DGKG: variants seen among roughly 807,000 people sequenced by gnomAD.
The protein encoded by DGKG is diacylglycerol kinase gamma.
Under a neutral mutation model 105.3 loss-of-function variants are expected in DGKG, and 78 were observed. The ratio of observed to expected loss-of-function variants is 0.74; its 90% confidence interval spans 0.62 to 0.89. DGKG has a LOEUF of 0.89. Ranked by LOEUF, DGKG falls within the 40% of genes least tolerant of loss-of-function variation. DGKG has a pLI of 0.00. For synonymous variants in DGKG, 346 were observed against 367.1 expected, an observed-to-expected ratio of 0.94 and a Z score of 0.66; for missense variants, 958 against 1,020.1, an observed-to-expected ratio of 0.94 and a Z score of 0.83.
intron 21 of DGKG, among the ~76,000 whole-genome samples, chr3:186,194,826 G>A (rs966485649): frequency 6.5e-5 from 4 of 61,642 alleles, no homozygotes; most frequent in African/African-American, 9.3e-5. Context: ...AAAAAAAGCC[G>A]GGCAAGGTGG....
At chr3:186,342,226 T>C (rs553625174) in intron 1 of DGKG, among the ~76,000 whole-genome samples, 1 of 152,310 alleles carries the variant, frequency 6.6e-6, no homozygotes, top group East Asian at 1.9e-4. Context: ...AAGAGATTGA[T>C]TTGTTACGGA....
Position 186,253,165 on chromosome 3 carries a change from T to G in DGKG, c.1528A>C (p.Lys510Gln). ...GGCAGGACAGCCACTGGTGGATGCT[T>G]TGCAAAGTTGGCCTTATCTGCAAGA... ...LDCIDKANFA[K>Q]HPPVAVLPLG... The change falls in exon 18 of 25, where the codon AAG becomes CAG. Residue 510 changes from lysine to glutamine, a missense_variant. Transcript: ENST00000265022. 2 of 1,614,170 alleles carry G rather than the reference T, an allele frequency of 1.2e-6. No homozygotes were observed. The highest frequency in any genetic ancestry group is 1.7e-6 in the Non-Finnish European group (2 of 1,180,008).
intron 22 of DGKG, among the ~76,000 whole-genome samples, chr3:186,171,377 T>C (rs1191497696): frequency 6.6e-6 from 1 of 152,188 alleles, no homozygotes; most frequent in African/African-American, 2.4e-5. Context: ...TAATAATAAC[T>C]ATAGTTGTCT....
intron 16 of DGKG, 95 bp downstream of exon 16, chr3:186,260,344 G>A (rs894596747): frequency 2.3e-6 from 2 of 882,552 alleles, no homozygotes; most frequent in Non-Finnish European, 3.7e-6. Context: ...AACAAGTTGA[G>A]AGACGAAAGA....
At position 186,327,086 on chromosome 3, in the gene DGKG, C is replaced by T. The variant is rs1416171598; in HGVS notation, c.-248-6379G>A. Among the ~76,000 whole-genome samples the T allele has an allele frequency of 2.5e-4, 38 of 152,102 alleles. 1 individual carries two copies. The highest frequency in any genetic ancestry group is 2.5e-3 in the Admixed American group (38 of 15,272). On this transcript the variant is annotated intron_variant, in intron 1 of 24. Transcript: ENST00000265022. ...GGCTGAGGTGGGAAGATCACCTGAG[C>T]CTGAGGGATCAAGGCTGCACTGAAC...
rs140613915 is a variant in DGKG at position 186,300,115 on chromosome 3, G to T, written c.145-1886C>A. Among the ~76,000 whole-genome samples the T allele has an allele frequency of 2.4e-3, 368 of 152,210 alleles. 3 individuals carry two copies. Among genetic ancestry groups the T allele is most frequent in the African/African-American group, 8.6e-3 (358 of 41,530 alleles). On this transcript the variant is annotated intron_variant, in intron 3 of 24. Coordinates refer to ENST00000265022, the MANE Select transcript of DGKG (RefSeq NM_001346.3). ...GCTTCCCAAAGTGCTGGGATTACTG[G>T]CGTGAGGCACCATGCCCAGCCCCTC...
At chr3:186,178,792 C>T (rs774336456) in intron 22 of DGKG, among the ~76,000 whole-genome samples, 3 of 152,126 alleles carry the variant, frequency 2.0e-5, no homozygotes, top group African/African-American at 4.8e-5. Flanking sequence ...CCAGAAACTG[C>T]GAAGCTGGGG....
rs1721223680 is a variant in DGKG at position 186,251,487 on chromosome 3, A to C, written c.1761+272T>G. 2.0e-5 allele frequency among the ~76,000 whole-genome samples: 3 copies of C among 152,292 alleles called. No homozygotes were observed. The South Asian group carries it at 6.2e-4, about 32-fold the overall frequency. On this transcript the variant is annotated intron_variant, in intron 19 of 24. Transcript: ENST00000265022. ...CTGCTACAAATTGCAGAAGGAGAAA[A>C]TATGTCTTTTGAAAATTTTTCTGTC...
At chr3:186,174,507 G>A (rs898462176) in intron 22 of DGKG, among the ~76,000 whole-genome samples, 8 of 152,202 alleles carry the variant, frequency 5.3e-5, no homozygotes, top group Admixed American at 1.3e-4. Flanking sequence ...ACGGTAAAGA[G>A]CAGAGAGATT....
At chr3:186,249,181 G>A (rs1035829788) in intron 19 of DGKG, among the ~76,000 whole-genome samples, 1 of 152,068 alleles carries the variant, frequency 6.6e-6, no homozygotes, top group Non-Finnish European at 1.5e-5. Flanking sequence ...ACCTGGAAGA[G>A]GTCTAGGGAA....
chr3:186,236,561 C>A (rs1720430300), intron 20 of DGKG, among the ~76,000 whole-genome samples: 1 of 152,214 alleles, frequency 6.6e-6, no homozygotes, highest in Non-Finnish European at 1.5e-5. Flanking sequence ...TTACTCTATA[C>A]CCTGCTGCCT....
intron 14 of DGKG, among the ~76,000 whole-genome samples, chr3:186,262,353 T>G (rs928393684): frequency 1.3e-5 from 2 of 152,196 alleles, no homozygotes; most frequent in Non-Finnish European, 2.9e-5. Flanking sequence ...GGCCTTTCTC[T>G]TGGTTCCCTG....
chr3:186,161,243 C>T, intron 24 of DGKG: 1 of 1,038,840 alleles, frequency 9.6e-7, no homozygotes, highest in Non-Finnish European at 1.2e-6. Context: ...ATCAGCAGAA[C>T]AGTCTTCCTT....
intron 22 of DGKG, among the ~76,000 whole-genome samples, chr3:186,177,604 A>T (rs1395437671): frequency 2.0e-5 from 3 of 152,128 alleles, no homozygotes; most frequent in Non-Finnish European, 4.4e-5. Context: ...TAGATAGTAG[A>T]TTGCCAACTA....
At chr3:186,357,376 C>T (rs770089863) in intron 1 of DGKG, among the ~76,000 whole-genome samples, 3 of 152,120 alleles carry the variant, frequency 2.0e-5, no homozygotes, top group Non-Finnish European at 4.4e-5. Context: ...CACATCACAA[C>T]ACACAGCAGT....
intron 21 of DGKG, among the ~76,000 whole-genome samples, chr3:186,196,921 A>T (rs1241138678): frequency 6.6e-6 from 1 of 152,156 alleles, no homozygotes. Flanking sequence ...GAGAGGGAAG[A>T]TGGGATCTAA....
rs1283950101 is a variant in DGKG, at chr3:186,203,061, G to A, written c.1917+8734C>T. 6.6e-6 allele frequency among the ~76,000 whole-genome samples: 1 copy of A among 152,156 alleles called. No homozygotes were observed. The highest frequency in any genetic ancestry group is 1.9e-4 in the East Asian group (1 of 5,200). On this transcript the variant is annotated intron_variant, in intron 21 of 24. Transcript: ENST00000265022. The surrounding 1 kb of genome is among the most constrained non-coding windows in gnomAD (Gnocchi z 4.9). The stretch of plus-strand genomic sequence containing the variant: ...GCACATTAGTAAGAAATAAAAAAGA[G>A]GGTCATTTAAGAAAAAGAAAAAGTT...
At chr3:186,310,290 C>CAAAA (rs886723244) in intron 2 of DGKG, among the ~76,000 whole-genome samples, 5 of 69,818 alleles carry the variant, frequency 7.2e-5, no homozygotes, top group Non-Finnish European at 2.8e-5. Context: ...AAAAAAAAAA[C>CAAAA]CACACACACA....
intron 10 of DGKG, among the ~76,000 whole-genome samples, chr3:186,273,106 G>GT (rs1414848106): frequency 6.6e-6 from 1 of 152,122 alleles, no homozygotes; most frequent in Non-Finnish European, 1.5e-5. Flanking sequence ...GAAATTCAGG[G>GT]TTTTCTGTAA....
Sources: allele counts gnomAD v4.1 joint callset (sites outside exome capture counted in the v4.1 genomes callset), GRCh38; gene constraint gnomAD v4.1.1; non-coding constraint Gnocchi (gnomAD v3.1); transcripts MANE v1.5; gene names NCBI Gene and HGNC (gene_info 2026-07-23, HGNC 2026-07-21).